The following SHPRH variants were observed in gnomAD, a reference collection of about 807,000 sequenced individuals.
SHPRH encodes E3 ubiquitin-protein ligase SHPRH.
Under a neutral mutation model 202.5 loss-of-function variants are expected in SHPRH, and 106 were observed. The observed-to-expected ratio is 0.52, with a 90% CI of 0.45 to 0.62. SHPRH has a LOEUF of 0.62. Among genes scored for constraint, SHPRH ranks in the 20% least tolerant of loss-of-function variants. The pLI is 0.00. For missense variants in SHPRH, 1,710 were observed against 2,020.0 expected (o/e 0.85, Z 2.94); for synonymous variants, 729 against 686.0 (o/e 1.06, Z -0.98).
chr6:145,950,520 G>C (rs756696139), intron 3 of SHPRH, 38 bp from the exon 4 acceptor site: 8 of 1,572,456 alleles, frequency 5.1e-6, no homozygotes, highest in South Asian at 1.1e-5. Context: ...AAAACTGATA[G>C]GTTTTTTCTA....
rs772975083 is a variant in SHPRH, at chr6:145,950,265, A to G, written c.981T>C (p.Thr327=). ...QQECFRSSPA[T]ESALHFLWRE... ...TTTCTTTAAACATCTTATTCTTACC[A>G]GTAGCAGGACTGCTTCTGAAACACT... Residue 327 remains threonine, a splice_region_variant and synonymous_variant, in exon 4 of 30, where the codon ACT becomes ACC. Coordinates refer to ENST00000275233, the MANE Select transcript of SHPRH (RefSeq NM_001042683.3). 1.2e-5 allele frequency: 19 copies of G among 1,612,388 alleles called. No individual in the cohort carries two copies. Among genetic ancestry groups the G allele is most frequent in the Non-Finnish European group, 1.6e-5 (19 of 1,179,076 alleles).
intron 27 of SHPRH, among the ~76,000 whole-genome samples, chr6:145,893,681 A>C (rs1781763115): frequency 6.6e-6 from 1 of 152,184 alleles, no homozygotes; most frequent in Non-Finnish European, 1.5e-5. Flanking sequence ...TTAGAGGAAA[A>C]AGAGAAAAAG....
chr6:145,946,955 T>C (rs150809359), intron 6 of SHPRH, among the ~76,000 whole-genome samples: 3 of 152,106 alleles, frequency 2.0e-5, no homozygotes, highest in Admixed American at 1.3e-4. Flanking sequence ...CTATATACTA[T>C]ATTTGCCTTA....
intron 23 of SHPRH, among the ~76,000 whole-genome samples, chr6:145,914,300 C>T (rs1477921168): frequency 1.3e-5 from 2 of 152,108 alleles, no homozygotes; most frequent in African/African-American, 4.8e-5. Context: ...GAGATAGTCT[C>T]ATGGAGTTCC....
At chr6:145,922,894 C>T (rs1784544229) in intron 18 of SHPRH, 58 bp from the exon 19 acceptor site, 2 of 1,458,272 alleles carry the variant, frequency 1.4e-6, no homozygotes, top group East Asian at 5.2e-5. Flanking sequence ...GGTCAATTTC[C>T]TCAAATTCAG....
At position 145,948,253 on chromosome 6, in the gene SHPRH, A is replaced by G; in HGVS notation, c.1061+19T>C. ...TATTTATTTTTTAAATCAAGCATAT[A>G]AGTAAAATTTTGCCTTACCAGCCTG... On this transcript the variant is annotated intron_variant, in intron 5 of 29. Transcript: ENST00000275233. 6.5e-7 allele frequency: 1 copy of G among 1,533,452 alleles called. No individual in the cohort carries two copies. Among genetic ancestry groups the G allele is most frequent in the South Asian group, 1.3e-5 (1 of 77,304 alleles). The allele number at this position is 1,533,452 out of a possible 1,614,324, so 95.0% of individuals were successfully genotyped here. A position where few individuals can be genotyped will look rare whatever the true frequency, so the allele number is the denominator to read the frequency against.
intron 2 of SHPRH, among the ~76,000 whole-genome samples, chr6:145,867,623 TATATATATAGAGAGAGAGAG>T (rs1414437966): frequency 2.0e-4 from 14 of 68,434 alleles, no homozygotes; most frequent in African/African-American, 8.8e-4. Flanking sequence ...TATATATATA[TATATATATAGAGAGAGAGAG>T]AGAGAGAGAG....
At chr6:145,870,216 T>A (rs1256805534) in intron 2 of SHPRH, among the ~76,000 whole-genome samples, 1 of 151,752 alleles carries the variant, frequency 6.6e-6, no homozygotes, top group Non-Finnish European at 1.5e-5. Flanking sequence ...CTTTCTATAA[T>A]CTCTTATTAG....
rs1305222151 is a variant in SHPRH at position 145,886,349 on chromosome 6, A to C, written c.*342T>G. 4 of 618,896 alleles carry C rather than the reference A, an allele frequency of 6.5e-6. No individual in the cohort carries two copies. Among genetic ancestry groups the C allele is most frequent in the Non-Finnish European group, 1.2e-5 (4 of 340,160 alleles). The allele number at this position is 618,896 out of a possible 1,614,324, so 38.3% of individuals were successfully genotyped here. The stretch of plus-strand genomic sequence containing the variant: ...AGGTCATATAAAACTAGACTAGTTT[A>C]CTTTCTTATTCCAACTGTTTTATGA... On this transcript the variant is annotated 3_prime_UTR_variant, in exon 30 of 30. Transcript: ENST00000275233.
chr6:145,924,289 A>G (rs1202513004), intron 17 of SHPRH, among the ~76,000 whole-genome samples: 1 of 103,428 alleles, frequency 9.7e-6, no homozygotes, highest in Non-Finnish European at 2.2e-5. Flanking sequence ...AACTGAAAAT[A>G]AAAGTGTATT....
At chr6:145,927,131 A>G in intron 15 of SHPRH, 58 bp downstream of exon 15, 2 of 1,489,734 alleles carry the variant, frequency 1.3e-6, no homozygotes, top group Non-Finnish European at 1.9e-6. Context: ...CATTCAGAAA[A>G]ATTATTTTGT....
chr6:145,869,809 TTTTTC>T (rs1409741428), intron 2 of SHPRH, among the ~76,000 whole-genome samples: 11 of 142,900 alleles, frequency 7.7e-5, no homozygotes, highest in African/African-American at 1.7e-4. Flanking sequence ...GCTACCTTGG[TTTTTC>T]TTTTCTTTTT....
chr6:145,896,759 C>G (rs1410449423), intron 25 of SHPRH, among the ~76,000 whole-genome samples: 1 of 151,752 alleles, frequency 6.6e-6, no homozygotes, highest in Non-Finnish European at 1.5e-5. Flanking sequence ...TTGGAATTAA[C>G]AAAAATATAG....
chr6:145,927,507 T>C (rs898304335), intron 14 of SHPRH, among the ~76,000 whole-genome samples: 1 of 151,820 alleles, frequency 6.6e-6, no homozygotes, highest in African/African-American at 2.4e-5. Context: ...ATTACATTTA[T>C]AATATTTTAA....
the SHPRH span, among the ~76,000 whole-genome samples, chr6:145,858,948 G>A: frequency 8.6e-4 from 130 of 151,936 alleles, no homozygotes; most frequent in African/African-American, 3.0e-3. Context: ...ACTTACTTGT[G>A]GTTGATCTTG....
At position 145,955,245 on chromosome 6, in the gene SHPRH, A is replaced by G; in HGVS notation, c.78T>C (p.His26=). 1 of 1,613,194 alleles carries G rather than the reference A, an allele frequency of 6.2e-7. No individual in the cohort carries two copies. The highest frequency in any genetic ancestry group is 8.5e-7 in the Non-Finnish European group (1 of 1,179,898). Residue 26 remains histidine (H), a synonymous_variant, in exon 2 of 30, where the codon CAT becomes CAC. Coordinates refer to ENST00000275233, the MANE Select transcript of SHPRH (RefSeq NM_001042683.3). ...EKRQQLHWNM[H]EDRRNEPIII... is the part of the protein sequence containing the mutation. Reference sequence around the variant, plus strand: ...TGATAGGTTCATTCCTTCTGTCCTCATGCATATTCCAATGAAGCTGCTGCC... The same window carrying G: ...TGATAGGTTCATTCCTTCTGTCCTCGTGCATATTCCAATGAAGCTGCTGCC...
At chr6:145,893,830 T>C (rs1253828873) in intron 27 of SHPRH, among the ~76,000 whole-genome samples, 1 of 152,044 alleles carries the variant, frequency 6.6e-6, no homozygotes, top group Non-Finnish European at 1.5e-5. Context: ...CAGTTCTGCC[T>C]GACAGTGACT....
intron 25 of SHPRH, chr6:145,903,683 A>C (rs1213744777): frequency 6.6e-6 from 1 of 152,118 alleles, no homozygotes; most frequent in Non-Finnish European, 1.5e-5. Flanking sequence ...ATATCTATGT[A>C]GTGGCTGTAT....
intron 2 of SHPRH, among the ~76,000 whole-genome samples, chr6:145,866,541 A>G (rs1273270849): frequency 6.6e-6 from 1 of 151,190 alleles, no homozygotes; most frequent in African/African-American, 2.4e-5. Flanking sequence ...AAAATACAAG[A>G]CAAACAGGAC....
Sources: allele counts gnomAD v4.1 joint callset (sites outside exome capture counted in the v4.1 genomes callset), GRCh38; gene constraint gnomAD v4.1.1; transcripts MANE v1.5; gene names NCBI Gene and HGNC (gene_info 2026-07-23, HGNC 2026-07-21).